The following DISP1 variants were observed in gnomAD, a reference collection of about 807,000 sequenced individuals.
DISP1 encodes the protein protein dispatched homolog 1.
A neutral mutation model predicts 37.3 loss-of-function variants in DISP1; 30 were observed. That is an observed-to-expected ratio of 0.80 (90% CI 0.60 to 1.09). The LOEUF is 1.09. Ranked by LOEUF, DISP1 falls within the 50% of genes least tolerant of loss-of-function variation. DISP1 has a pLI of 0.00. For synonymous variants in DISP1, 634 were observed against 690.2 expected (o/e 0.92, Z 1.28); for missense variants, 1,598 against 1,879.5 (o/e 0.85, Z 2.77).
chr1:222,987,932 C>G (rs1285977331), intron 4 of DISP1, among the ~76,000 whole-genome samples: 1 of 152,076 alleles, frequency 6.6e-6, no homozygotes, highest in Non-Finnish European at 1.5e-5. Flanking sequence ...GCTATTGAGA[C>G]AGAGGACTTT....
intron 8 of DISP1, among the ~76,000 whole-genome samples, chr1:222,999,218 A>G (rs930974461): frequency 2.0e-5 from 3 of 152,184 alleles, no homozygotes; most frequent in Non-Finnish European, 4.4e-5. Flanking sequence ...ACATAAGCAC[A>G]ATGATTCCCC....
At chr1:222,930,665 C>A (rs1673335227) in intron 2 of DISP1, among the ~76,000 whole-genome samples, 1 of 151,960 alleles carries the variant, frequency 6.6e-6, no homozygotes, top group Admixed American at 6.6e-5. Flanking sequence ...AAACAAGAAT[C>A]CCACACAATA....
At chr1:222,854,248 G>A (rs1029676905) in intron 1 of DISP1, among the ~76,000 whole-genome samples, 1 of 152,164 alleles carries the variant, frequency 6.6e-6, no homozygotes, top group South Asian at 2.1e-4. Context: ...GTCAAGAACT[G>A]CCCAAGACTG....
At chr1:222,883,841 G>T (rs1670418777) in intron 1 of DISP1, among the ~76,000 whole-genome samples, 1 of 152,168 alleles carries the variant, frequency 6.6e-6, no homozygotes, top group African/African-American at 2.4e-5. Flanking sequence ...TACTGTGTTT[G>T]CTTACAAGTA....
intron 1 of DISP1, among the ~76,000 whole-genome samples, chr1:222,917,057 G>A (rs1361907110): frequency 6.6e-6 from 1 of 152,152 alleles, no homozygotes; most frequent in Non-Finnish European, 1.5e-5. Flanking sequence ...GTGAACCTGT[G>A]ATCAATCAAG....
At chr1:222,827,461 T>G (rs974341266) in intron 1 of DISP1, 19 of 152,208 alleles carry the variant, frequency 1.2e-4, no homozygotes, top group African/African-American at 4.3e-4. Flanking sequence ...CTGGGAATAC[T>G]TGACTTACTA....
At chr1:222,856,505 A>G (rs1668553516) in intron 1 of DISP1, among the ~76,000 whole-genome samples, 1 of 152,198 alleles carries the variant, frequency 6.6e-6, no homozygotes, top group Non-Finnish European at 1.5e-5. Flanking sequence ...TTTGATGATA[A>G]ACAAAAAACA....
chr1:222,839,292 T>A (rs1017418273), intron 1 of DISP1, among the ~76,000 whole-genome samples: 3 of 152,202 alleles, frequency 2.0e-5, no homozygotes, highest in African/African-American at 7.2e-5. Flanking sequence ...ATGCTTCTTA[T>A]GAGAATCTAA....
At chr1:222,988,657 T>A (rs1304804744) in intron 4 of DISP1, among the ~76,000 whole-genome samples, 16 of 127,732 alleles carry the variant, frequency 1.3e-4, no homozygotes, top group African/African-American at 4.6e-4. Flanking sequence ...GCTTTATTTC[T>A]TTCTCTTTTT....
intron 1 of DISP1, among the ~76,000 whole-genome samples, chr1:222,868,601 A>G (rs979332922): frequency 6.6e-6 from 1 of 152,096 alleles, no homozygotes; most frequent in Non-Finnish European, 1.5e-5. Flanking sequence ...TAATAAATCC[A>G]TTTATAGCTT....
At chr1:222,876,596 G>A (rs1669987592) in intron 1 of DISP1, among the ~76,000 whole-genome samples, 1 of 152,192 alleles carries the variant, frequency 6.6e-6, no homozygotes, top group Admixed American at 6.5e-5. Flanking sequence ...GAAGAACAAA[G>A]TAGAGCTGTG....
Position 222,990,605 on chromosome 1 carries a change from C to T in DISP1, c.540-20C>T, listed in dbSNP as rs1678630936. 5 of 1,613,664 alleles carry T rather than the reference C, an allele frequency of 3.1e-6. No homozygotes were observed. Among genetic ancestry groups the T allele is most frequent in the African/African-American group, 2.7e-5 (2 of 74,900 alleles). On this transcript the variant is annotated intron_variant, in intron 4 of 8. Coordinates refer to ENST00000675850, the MANE Select transcript of DISP1 (RefSeq NM_001377229.1). ...GTAGTTATGCAGCTCTGATAGCCGA[C>T]ACTTCTTTGTGTTTTGTAGTTATGC...
At chr1:222,958,770 A>G (rs1383639913) in intron 3 of DISP1, among the ~76,000 whole-genome samples, 2 of 152,190 alleles carry the variant, frequency 1.3e-5, no homozygotes, top group African/African-American at 2.4e-5. Context: ...CTTAACCAGA[A>G]CATCAGTATC....
intron 1 of DISP1, among the ~76,000 whole-genome samples, chr1:222,874,925 A>C (rs1669871885): frequency 6.6e-6 from 1 of 152,100 alleles, no homozygotes; most frequent in African/African-American, 2.4e-5. Context: ...GGTGACATAC[A>C]CATGGGTTTT....
At chr1:222,964,410 CTA>C (rs1185628806) in intron 3 of DISP1, among the ~76,000 whole-genome samples, 1 of 152,092 alleles carries the variant, frequency 6.6e-6, no homozygotes, top group Non-Finnish European at 1.5e-5. Context: ...AATCACCACT[CTA>C]TGCTGTGCAA....
At chr1:222,861,256 G>C (rs1419343161) in intron 1 of DISP1, among the ~76,000 whole-genome samples, 1 of 152,132 alleles carries the variant, frequency 6.6e-6, no homozygotes, top group African/African-American at 2.4e-5. Context: ...TTTTAACTCT[G>C]AGTTTCTTTC....
intron 1 of DISP1, among the ~76,000 whole-genome samples, chr1:222,917,170 A>T (rs1474911347): frequency 1.3e-5 from 2 of 152,202 alleles, no homozygotes; most frequent in Non-Finnish European, 2.9e-5. Flanking sequence ...AGAAGCAAGG[A>T]GCTCTCTTCT....
intron 3 of DISP1, among the ~76,000 whole-genome samples, chr1:222,958,200 G>A (rs1319236489): frequency 6.6e-6 from 1 of 152,120 alleles, no homozygotes; most frequent in Non-Finnish European, 1.5e-5. Flanking sequence ...GCACATTTCT[G>A]TCATTGTTCA....
intron 1 of DISP1, among the ~76,000 whole-genome samples, chr1:222,911,585 G>A (rs886124714): frequency 3.3e-5 from 5 of 151,952 alleles, no homozygotes; most frequent in African/African-American, 1.2e-4. Context: ...GCTCACTGCA[G>A]CCTCAAACTC....
Sources: allele counts gnomAD v4.1 joint callset (sites outside exome capture counted in the v4.1 genomes callset), GRCh38; gene constraint gnomAD v4.1.1; transcripts MANE v1.5; gene names NCBI Gene and HGNC (gene_info 2026-07-23, HGNC 2026-07-21).